Variants in KALRN observed in about 807,000 individuals in gnomAD.
KALRN encodes the protein kalirin.
Under a neutral mutation model 353.7 loss-of-function variants are expected in KALRN, and 70 were observed. That is an observed-to-expected ratio of 0.20 (90% CI 0.16 to 0.24). KALRN has a LOEUF of 0.24. Among genes scored for constraint, KALRN ranks in the 10% least tolerant of loss-of-function variants. The pLI, the probability that KALRN is intolerant of heterozygous loss-of-function variation, is 1.00. For missense variants in KALRN, 2,791 were observed against 3,756.7 expected (o/e 0.74, Z 6.72); for synonymous variants, 1,391 against 1,434.8 (o/e 0.97, Z 0.69).
chr3:124,145,336 G>A (rs889474184), intron 1 of KALRN, among the ~76,000 whole-genome samples: 3 of 152,150 alleles, frequency 2.0e-5, no homozygotes, highest in African/African-American at 7.2e-5. Context: ...CCACACGTTG[G>A]AATTGCCTAT....
In KALRN at chr3:124,380,635, G is replaced by A. The variant is rs1044904762; in HGVS notation, c.1771-4210G>A. On this transcript the variant is annotated intron_variant, in intron 10 of 59. Coordinates refer to ENST00000682506, the MANE Select transcript of KALRN (RefSeq NM_001388419.1). ...AAACCAAAGAATGCCTAGGAAATATGTTCAGAGCAAGGTCAGACTCTGGCT... is the reference window on the plus strand; with the variant it reads ...AAACCAAAGAATGCCTAGGAAATATATTCAGAGCAAGGTCAGACTCTGGCT... Among the ~76,000 whole-genome samples, 12 of 152,352 alleles carry A rather than the reference G, an allele frequency of 7.9e-5. No homozygotes were observed. The East Asian group carries it at 9.6e-4, about 12-fold the overall frequency.
At chr3:124,522,041 TAAGAAAGGAAGGTAGGGAGTGCCA>T (rs1445138011) in intron 33 of KALRN, among the ~76,000 whole-genome samples, 1 of 150,778 alleles carries the variant, frequency 6.6e-6, no homozygotes, top group Non-Finnish European at 1.5e-5. Context: ...CAAAGAAAAA[TAAGAAAGGAAGGTAGGGAGTGCCA>T]AAGGTAGAGA....
chr3:124,198,329 C>T (rs542708922), intron 1 of KALRN, among the ~76,000 whole-genome samples: 1 of 152,210 alleles, frequency 6.6e-6, no homozygotes, highest in South Asian at 2.1e-4. Flanking sequence ...TTCTTTAAGC[C>T]TGATTTTTCT....
At chr3:124,475,344 C>A (rs577832945) in intron 26 of KALRN, among the ~76,000 whole-genome samples, 1 of 152,230 alleles carries the variant, frequency 6.6e-6, no homozygotes, top group Non-Finnish European at 1.5e-5. Context: ...TTATCATGGG[C>A]CAAGTAAAGG....
chr3:124,282,865 C>A (rs943680825), intron 5 of KALRN, among the ~76,000 whole-genome samples: 3 of 152,232 alleles, frequency 2.0e-5, no homozygotes, highest in Admixed American at 6.5e-5. Flanking sequence ...CCCAGCCTGG[C>A]TCCCTGCATG....
chr3:124,407,176 A>G (rs1438759739), intron 13 of KALRN, among the ~76,000 whole-genome samples: 6 of 152,166 alleles, frequency 3.9e-5, no homozygotes, highest in Non-Finnish European at 8.8e-5. Flanking sequence ...TGGAAACGAA[A>G]TAATATTTCC....
At chr3:124,178,336 A>G (rs972061120) in intron 1 of KALRN, among the ~76,000 whole-genome samples, 2 of 152,250 alleles carry the variant, frequency 1.3e-5, no homozygotes, top group African/African-American at 4.8e-5. Flanking sequence ...GATTAACAAT[A>G]ACTAATTTAA....
At position 124,413,382 on chromosome 3, in the gene KALRN, A is replaced by G. The variant is rs1387787098; in HGVS notation, c.2347-88A>G. On this transcript the variant is annotated intron_variant, in intron 13 of 59. Coordinates refer to ENST00000682506, the MANE Select transcript of KALRN (RefSeq NM_001388419.1). ...AGAGACTTAACTGAGGGGTGGATTC[A>G]TGAATAAGGCTTGGAATTGTGAGCC... is the stretch of plus-strand genomic sequence containing the variant. 3 of 1,112,006 alleles carry G rather than the reference A, an allele frequency of 2.7e-6. No individual in the cohort carries two copies. The African/African-American group carries it at 4.7e-5, about 17-fold the overall frequency. The allele number at this position is 1,112,006 out of a possible 1,614,324, so 68.9% of individuals were successfully genotyped here.
intron 13 of KALRN, among the ~76,000 whole-genome samples, chr3:124,406,544 AATG>A (rs1279789313): frequency 6.6e-6 from 1 of 152,186 alleles, no homozygotes; most frequent in African/African-American, 2.4e-5. Context: ...TCACAAAAAT[AATG>A]ATGTCATAAA....
chr3:124,641,217 A>G (rs939920893), intron 37 of KALRN, among the ~76,000 whole-genome samples: 1 of 152,180 alleles, frequency 6.6e-6, no homozygotes, highest in Non-Finnish European at 1.5e-5. Context: ...ACTCCCGAAG[A>G]GTCACCACCC....
intron 5 of KALRN, among the ~76,000 whole-genome samples, chr3:124,283,088 C>T (rs1027764378): frequency 6.6e-6 from 1 of 152,264 alleles, no homozygotes; most frequent in Non-Finnish European, 1.5e-5. Flanking sequence ...AGAGCTGCCT[C>T]ATCCTTAGCC....
At chr3:124,681,185 G>A (rs1033471722) in intron 51 of KALRN, among the ~76,000 whole-genome samples, 1 of 152,204 alleles carries the variant, frequency 6.6e-6, no homozygotes, top group African/African-American at 2.4e-5. Flanking sequence ...AGAGGGATGT[G>A]GGGCCAGGGG....
At chr3:124,622,598 C>T (rs1050336399) in intron 34 of KALRN, among the ~76,000 whole-genome samples, 3 of 152,200 alleles carry the variant, frequency 2.0e-5, no homozygotes, top group East Asian at 3.8e-4. Context: ...GCCACCTGCA[C>T]ATATGCTTGC....
intron 33 of KALRN, among the ~76,000 whole-genome samples, chr3:124,515,969 A>T (rs1015945027): frequency 9.9e-5 from 15 of 152,192 alleles, no homozygotes; most frequent in African/African-American, 3.6e-4. Context: ...AGTATCACCC[A>T]TATGAGTTTA....
intron 40 of KALRN, 65 bp downstream of exon 40, chr3:124,657,616 GC>G: frequency 7.1e-7 from 1 of 1,414,264 alleles, no homozygotes; most frequent in South Asian, 1.2e-5. Context: ...TCCTCTTCCT[GC>G]ATCTGACTCA....
intron 10 of KALRN, among the ~76,000 whole-genome samples, chr3:124,382,064 A>G (rs1009489699): frequency 1.2e-4 from 19 of 152,164 alleles, no homozygotes; most frequent in Non-Finnish European, 2.4e-4. Flanking sequence ...CAGGGTTTTA[A>G]TCCTGGTTCT....
chr3:124,592,737 C>T (rs1291028970), intron 34 of KALRN, among the ~76,000 whole-genome samples: 1 of 152,230 alleles, frequency 6.6e-6, no homozygotes, highest in Non-Finnish European at 1.5e-5. Flanking sequence ...GCTTGCCTCC[C>T]TGCCTGCTGT....
intron 10 of KALRN, among the ~76,000 whole-genome samples, chr3:124,351,532 T>C (rs1560646339): frequency 6.6e-6 from 1 of 152,182 alleles, no homozygotes; most frequent in Non-Finnish European, 1.5e-5. Flanking sequence ...TCACAGCTCC[T>C]GGAAATTTGT....
intron 25 of KALRN, among the ~76,000 whole-genome samples, chr3:124,470,587 G>A (rs567768118): frequency 5.3e-5 from 8 of 152,150 alleles, no homozygotes; most frequent in Admixed American, 3.3e-4. Flanking sequence ...CTATAGAGCC[G>A]ATGTAGGATT....
Sources: gnomAD v4.1 joint callset for allele counts (sites outside exome capture counted in the v4.1 genomes callset) on GRCh38, gnomAD v4.1.1 for gene constraint, MANE v1.5 for transcripts, NCBI Gene and HGNC (gene_info 2026-07-23, HGNC 2026-07-21) for gene names.